Variants in NFATC1 observed in about 807,000 individuals in gnomAD.
NFATC1 encodes nuclear factor of activated T-cells, cytoplasmic 1.
In NFATC1, 22 loss-of-function variants were observed where a neutral mutation model predicts 76.0. The observed-to-expected ratio is 0.29, with a 90% CI of 0.21 to 0.41. The LOEUF is 0.41. NFATC1 is among the 10% of genes least tolerant of loss of function. The probability of loss-of-function intolerance (pLI) is 1.00; values close to 1 mark genes in which losing one functional copy is unlikely to be tolerated. For missense variants in NFATC1, 1,357 were observed against 1,337.7 expected, an observed-to-expected ratio of 1.01 and a Z score of -0.23; for synonymous variants, 704 against 613.1, an observed-to-expected ratio of 1.15 and a Z score of -2.19.
intron 3 of NFATC1, among the ~76,000 whole-genome samples, chr18:79,434,661 C>A (rs919335097): frequency 1.3e-5 from 2 of 152,256 alleles, no homozygotes; most frequent in Admixed American, 6.5e-5. Flanking sequence ...GTGCCCCAGC[C>A]CCGTTATTTA....
At chr18:79,521,159 GA>G (rs2090545628) in intron 9 of NFATC1, among the ~76,000 whole-genome samples, 1 of 99,746 alleles carries the variant, frequency 1.0e-5, no homozygotes, top group Non-Finnish European at 2.0e-5. Flanking sequence ...TGTAGGGGGG[GA>G]GCATCCACTG....
At chr18:79,436,099 G>A (rs1179321898) in intron 3 of NFATC1, among the ~76,000 whole-genome samples, 3 of 152,214 alleles carry the variant, frequency 2.0e-5, no homozygotes, top group African/African-American at 4.8e-5. Context: ...AAAAACAAAC[G>A]AGAATAGAAA....
chr18:79,513,197 C>T (rs1345679953), intron 9 of NFATC1, among the ~76,000 whole-genome samples: 3 of 152,248 alleles, frequency 2.0e-5, no homozygotes, highest in African/African-American at 4.8e-5. Flanking sequence ...CTGATGCCCG[C>T]GGGTGGACTC....
At chr18:79,450,096 A>G (rs958134542) in intron 4 of NFATC1, among the ~76,000 whole-genome samples, 1 of 152,110 alleles carries the variant, frequency 6.6e-6, no homozygotes, top group Admixed American at 6.5e-5. Context: ...TCACCCCACC[A>G]TGATGTGGGG....
chr18:79,526,581 G>C (rs2090771694), intron 9 of NFATC1, among the ~76,000 whole-genome samples: 1 of 152,358 alleles, frequency 6.6e-6, no homozygotes, highest in South Asian at 2.1e-4. Context: ...GCCAGCCTCG[G>C]GTGTGTGTTT....
At chr18:79,399,934 C>T (rs1026940500) in intron 1 of NFATC1, among the ~76,000 whole-genome samples, 1 of 152,048 alleles carries the variant, frequency 6.6e-6, no homozygotes, top group African/African-American at 2.4e-5. Context: ...CCGTTGCAGC[C>T]GCTTTCCCGA....
At chr18:79,426,186 T>G (rs1487535938) in intron 2 of NFATC1, among the ~76,000 whole-genome samples, 1 of 151,688 alleles carries the variant, frequency 6.6e-6, no homozygotes, top group East Asian at 1.9e-4. Context: ...GAAAAAAGAA[T>G]TCGATAATCC....
At chr18:79,463,742 G>GCCTGA (rs1031878090) in intron 7 of NFATC1, among the ~76,000 whole-genome samples, 9 of 150,700 alleles carry the variant, frequency 6.0e-5, no homozygotes, top group African/African-American at 2.2e-4. Context: ...GTACCCTGGT[G>GCCTGA]CCTGGCCTCG....
At chr18:79,526,753 A>C (rs544002564) in intron 9 of NFATC1, among the ~76,000 whole-genome samples, 1 of 152,322 alleles carries the variant, frequency 6.6e-6, no homozygotes, top group Non-Finnish European at 1.5e-5. Flanking sequence ...GATGAAATGC[A>C]CACTACTAAT....
At chr18:79,414,663 C>T (rs1305954471) in intron 2 of NFATC1, among the ~76,000 whole-genome samples, 2 of 152,156 alleles carry the variant, frequency 1.3e-5, no homozygotes, top group Non-Finnish European at 2.9e-5. Flanking sequence ...ATTGTCAAAG[C>T]TTGGGGGGAC....
intron 3 of NFATC1, among the ~76,000 whole-genome samples, chr18:79,447,218 G>C (rs141691684): frequency 2.6e-5 from 4 of 152,194 alleles, no homozygotes; most frequent in African/African-American, 4.8e-5. Flanking sequence ...TCGCCTGCCC[G>C]GGCCCCTCTA....
chr18:79,404,321 C>T (rs966070737), intron 1 of NFATC1, among the ~76,000 whole-genome samples: 6 of 152,214 alleles, frequency 3.9e-5, no homozygotes, highest in African/African-American at 1.4e-4. Flanking sequence ...CTTTGTAAAT[C>T]TTTCTCGCTG....
intron 2 of NFATC1, among the ~76,000 whole-genome samples, chr18:79,432,849 A>T (rs1313960387): frequency 1.3e-5 from 2 of 148,362 alleles, no homozygotes; most frequent in Non-Finnish European, 3.0e-5. Context: ...CACACCAAAC[A>T]TTCATCTCCT....
At position 79,411,459 on chromosome 18, in the gene NFATC1, A is replaced by G; in HGVS notation, c.1184A>G (p.Gln395Arg). 6.7e-7 allele frequency: 1 copy of G among 1,488,822 alleles called. No homozygotes were observed. Among genetic ancestry groups the G allele is most frequent in the Non-Finnish European group, 8.9e-7 (1 of 1,122,338 alleles). 92.2% of individuals were successfully genotyped at this position (1,488,822 alleles called of 1,614,324 possible). ...CTGGCGGTGCCGCAGCACCCCTACC[A>G]GTGGGCGAAGCCCAAGCCCCTGTCC... ...QYLAVPQHPY[Q>R]WAKPKPLSPT... The change falls in exon 2 of 10, where the codon CAG (glutamine) becomes CGG (arginine). Residue 395 changes from glutamine (Q) to arginine (R), a missense_variant. This residue lies in a region of NFATC1 where 691 missense variants were observed against 613.1 expected (regional missense o/e 1.13). Transcript: ENST00000427363.
At chr18:79,403,308 A>C (rs1282390242) in intron 1 of NFATC1, among the ~76,000 whole-genome samples, 1 of 152,282 alleles carries the variant, frequency 6.6e-6, no homozygotes, top group Non-Finnish European at 1.5e-5. Context: ...ATAGATATTC[A>C]GTAACCATTT....
chr18:79,488,690 C>T (rs961272763), intron 9 of NFATC1, among the ~76,000 whole-genome samples: 8 of 152,328 alleles, frequency 5.3e-5, no homozygotes, highest in East Asian at 1.9e-4. Flanking sequence ...CCAGCCCCTG[C>T]GCGAGGTGGA....
At chr18:79,438,179 T>C (rs1005874083) in intron 3 of NFATC1, among the ~76,000 whole-genome samples, 4 of 152,190 alleles carry the variant, frequency 2.6e-5, no homozygotes, top group Admixed American at 6.5e-5. Flanking sequence ...GCTTTCCTCC[T>C]CTCTGTTTCT....
chr18:79,440,198 T>C (rs1431216052), intron 3 of NFATC1, among the ~76,000 whole-genome samples: 1 of 152,160 alleles, frequency 6.6e-6, no homozygotes, highest in Non-Finnish European at 1.5e-5. Flanking sequence ...ATTTCAGAGC[T>C]TTGGCTTCTT....
At chr18:79,474,610 TTGA>T (rs1387748825) in intron 8 of NFATC1, among the ~76,000 whole-genome samples, 2 of 144,920 alleles carry the variant, frequency 1.4e-5, no homozygotes, top group Admixed American at 6.8e-5. Flanking sequence ...ACGCTCACTG[TTGA>T]CGTAAACCTG....
Sources: gnomAD v4.1 joint callset for allele counts (sites outside exome capture counted in the v4.1 genomes callset) on GRCh38, gnomAD v4.1.1 for gene constraint, gnomAD v4.1.1 regional missense constraint, MANE v1.5 for transcripts, NCBI Gene and HGNC (gene_info 2026-07-23, HGNC 2026-07-21) for gene names.